CRADD: variants seen among roughly 807,000 people sequenced by gnomAD.
CRADD encodes the protein CARD and death domain containing adaptor protein.
CRADD carries 9 observed loss-of-function variants against 15.5 expected under a neutral mutation model. The ratio of observed to expected loss-of-function variants is 0.58; its 90% CI spans 0.35 to 1.01. The LOEUF is 1.01. Ranked by LOEUF, CRADD falls within the 50% of genes least tolerant of loss-of-function variation. The pLI, the probability that CRADD is intolerant of heterozygous loss-of-function variation, is 0.02. For missense variants in CRADD, 227 were observed against 250.3 expected, an observed-to-expected ratio of 0.91 and a Z score of 0.63; for synonymous variants, 118 against 107.6, an observed-to-expected ratio of 1.10 and a Z score of -0.60.
intron 2 of CRADD, among the ~76,000 whole-genome samples, chr12:93,827,217 T>A (rs538728394): frequency 3.5e-4 from 53 of 152,292 alleles, no homozygotes; most frequent in African/African-American, 1.3e-3. Flanking sequence ...CCTCTATAAT[T>A]CCTTCTTCCC....
chr12:93,826,559 T>C (rs1957826692), intron 2 of CRADD, among the ~76,000 whole-genome samples: 1 of 152,228 alleles, frequency 6.6e-6, no homozygotes, highest in Non-Finnish European at 1.5e-5. Flanking sequence ...TGTGTTTCTG[T>C]TGCTTTGAAA....
intron 2 of CRADD, among the ~76,000 whole-genome samples, chr12:93,775,478 A>G (rs1453273876): frequency 2.6e-5 from 4 of 152,212 alleles, no homozygotes; most frequent in African/African-American, 7.2e-5. Flanking sequence ...TGGAGGGCTG[A>G]TGGACATGCT....
intron 2 of CRADD, among the ~76,000 whole-genome samples, chr12:93,725,265 A>G (rs1956339012): frequency 6.6e-6 from 1 of 152,200 alleles, no homozygotes; most frequent in Non-Finnish European, 1.5e-5. Flanking sequence ...TATCAGTGGA[A>G]CAATATATGT....
intron 2 of CRADD, among the ~76,000 whole-genome samples, chr12:93,730,658 T>C (rs1052589013): frequency 6.6e-6 from 1 of 151,962 alleles, no homozygotes; most frequent in Non-Finnish European, 1.5e-5. Context: ...GTTAAATGAG[T>C]TATGAGAGAA....
intron 2 of CRADD, among the ~76,000 whole-genome samples, chr12:93,847,903 C>T (rs552246618): frequency 1.2e-4 from 19 of 152,184 alleles, no homozygotes; most frequent in Admixed American, 1.1e-3. Context: ...AACTTGTAAC[C>T]GCTGGTCAGA....
chr12:93,738,581 C>A, intron 2 of CRADD: 1 of 648,734 alleles, frequency 1.5e-6, no homozygotes. Flanking sequence ...CTCCCACCGC[C>A]ACCCCCTGCA....
chr12:93,878,250 C>T (rs1958471384), intron 2 of CRADD, among the ~76,000 whole-genome samples: 5 of 152,150 alleles, frequency 3.3e-5, no homozygotes, highest in Admixed American at 3.3e-4. Flanking sequence ...GTGGGTCCCT[C>T]CTGGCCCAGG....
intron 2 of CRADD, among the ~76,000 whole-genome samples, chr12:93,846,199 G>C (rs534269192): frequency 1.3e-5 from 2 of 152,246 alleles, no homozygotes; most frequent in South Asian, 4.1e-4. Flanking sequence ...TACTCAGTTT[G>C]CTTCCACCTT....
chr12:93,882,978 C>T (rs568269920), intron 2 of CRADD, among the ~76,000 whole-genome samples: 7 of 152,200 alleles, frequency 4.6e-5, no homozygotes, highest in Admixed American at 2.0e-4. Context: ...CAGGGGATTG[C>T]GTAATTGAGT....
chr12:93,696,847 G>A (rs1419565213), intron 2 of CRADD, among the ~76,000 whole-genome samples: 2 of 152,122 alleles, frequency 1.3e-5, no homozygotes, highest in Non-Finnish European at 2.9e-5. Flanking sequence ...CTTGTATTAG[G>A]TATTATAAGT....
intron 2 of CRADD, among the ~76,000 whole-genome samples, chr12:93,703,261 A>G (rs1002072283): frequency 1.3e-5 from 2 of 152,148 alleles, no homozygotes; most frequent in African/African-American, 4.8e-5. Flanking sequence ...AATAAAAATT[A>G]TGGTATAGTC....
intron 2 of CRADD, among the ~76,000 whole-genome samples, chr12:93,794,950 T>C (rs1279252613): frequency 6.6e-6 from 1 of 152,208 alleles, no homozygotes; most frequent in African/African-American, 2.4e-5. Context: ...TTCCTCTTAC[T>C]ACCTAGGTTT....
At chr12:93,783,750 A>G (rs1052466159) in intron 2 of CRADD, among the ~76,000 whole-genome samples, 14 of 152,160 alleles carry the variant, frequency 9.2e-5, no homozygotes, top group Non-Finnish European at 1.9e-4. Context: ...TTCATTTTTC[A>G]TGTGTTTGTA....
chr12:93,720,991 ATTTT>A (rs1956251272), intron 2 of CRADD, among the ~76,000 whole-genome samples: 1 of 151,900 alleles, frequency 6.6e-6, no homozygotes, highest in Non-Finnish European at 1.5e-5. Context: ...TTTTGTTTCT[ATTTT>A]TATCTTCCAC....
chr12:93,775,577 G>GC (rs1328206651), intron 2 of CRADD, among the ~76,000 whole-genome samples: 2 of 45,012 alleles, frequency 4.4e-5, no homozygotes, highest in Non-Finnish European at 9.0e-5. Flanking sequence ...TTTTGGAGAA[G>GC]GGGGATCGAA....
At chr12:93,719,555 T>C (rs1956221911) in intron 2 of CRADD, among the ~76,000 whole-genome samples, 1 of 152,196 alleles carries the variant, frequency 6.6e-6, no homozygotes, top group Admixed American at 6.5e-5. Flanking sequence ...ATAGAATTTA[T>C]CAGTGAACTC....
intron 2 of CRADD, among the ~76,000 whole-genome samples, chr12:93,784,762 A>G (rs982200040): frequency 1.3e-5 from 2 of 152,300 alleles, no homozygotes; most frequent in Non-Finnish European, 2.9e-5. Context: ...TGGCCTGGCT[A>G]CCTTGCAAGA....
chr12:93,796,600 CAAAA>C (rs397813054), intron 2 of CRADD, among the ~76,000 whole-genome samples: 3 of 113,838 alleles, frequency 2.6e-5, no homozygotes, highest in African/African-American at 3.3e-5. Context: ...AAAACGGTGT[CAAAA>C]AAAAAAAAAA....
intron 2 of CRADD, among the ~76,000 whole-genome samples, chr12:93,785,980 G>A (rs1251220929): frequency 6.6e-6 from 1 of 152,160 alleles, no homozygotes; most frequent in Admixed American, 6.5e-5. Flanking sequence ...GGAGCATTAG[G>A]TTTGGTTTTT....
Sources: allele counts gnomAD v4.1 joint callset (sites outside exome capture counted in the v4.1 genomes callset), GRCh38; gene constraint gnomAD v4.1.1; transcripts MANE v1.5; gene names NCBI Gene and HGNC (gene_info 2026-07-23, HGNC 2026-07-21).